The following MAN1A2 variants were observed in gnomAD, a reference collection of about 807,000 sequenced individuals.
The protein encoded by MAN1A2 is mannosidase alpha class 1A member 2.
Under a neutral mutation model 75.7 loss-of-function variants are expected in MAN1A2, and 26 were observed. The ratio of observed to expected loss-of-function variants is 0.34; its 90% CI spans 0.25 to 0.48. The LOEUF (loss-of-function observed/expected upper bound fraction) is 0.48. MAN1A2 is among the 20% of genes least tolerant of loss of function. MAN1A2 has a pLI of 0.99. For missense variants in MAN1A2, 562 were observed against 775.5 expected, an observed-to-expected ratio of 0.72 and a Z score of 3.27; for synonymous variants, 247 against 264.6, an observed-to-expected ratio of 0.93 and a Z score of 0.65.
At chr1:117,497,613 G>A (rs1651069964) in intron 10 of MAN1A2, among the ~76,000 whole-genome samples, 1 of 151,870 alleles carries the variant, frequency 6.6e-6, no homozygotes, top group South Asian at 2.1e-4. Flanking sequence ...CTCTTTTTAT[G>A]TATAAAGCAC....
At chr1:117,423,956 C>T (rs912100922) in intron 5 of MAN1A2, among the ~76,000 whole-genome samples, 6 of 150,196 alleles carry the variant, frequency 4.0e-5, no homozygotes, top group Non-Finnish European at 8.9e-5. Context: ...GATCACAGCT[C>T]ACTGCAACCT....
chr1:117,369,620 A>G (rs1652891615), intron 1 of MAN1A2, among the ~76,000 whole-genome samples: 1 of 151,988 alleles, frequency 6.6e-6, no homozygotes, highest in Non-Finnish European at 1.5e-5. Context: ...TGACTTTTGG[A>G]TGAATTTTAT....
At chr1:117,423,522 T>G (rs562753458) in intron 5 of MAN1A2, among the ~76,000 whole-genome samples, 48 of 152,318 alleles carry the variant, frequency 3.2e-4, no homozygotes, top group African/African-American at 1.1e-3. Flanking sequence ...ATTTATTTTT[T>G]TATTGGTGTT....
Position 117,367,990 on chromosome 1 carries a change from G to C in MAN1A2, c.-194G>C, listed in dbSNP as rs1652824903. 3 of 577,982 alleles carry C rather than the reference G, an allele frequency of 5.2e-6. No individual in the cohort carries two copies. The East Asian group carries it at 8.6e-5, about 16-fold the overall frequency. The allele number at this position is 577,982 out of a possible 1,614,324, so 35.8% of individuals were successfully genotyped here. A position where few individuals can be genotyped will look rare whatever the true frequency, so the allele number is the denominator to read the frequency against. ...AGGACCTAAACTTGTGATCGTTTGG[G>C]GGAGGTCACACACGTTTCTGAGTGG... On this transcript the variant is annotated 5_prime_UTR_variant, in exon 1 of 13. Transcript: ENST00000356554.
intron 4 of MAN1A2, among the ~76,000 whole-genome samples, chr1:117,415,323 C>A (rs1647953295): frequency 6.6e-6 from 1 of 152,076 alleles, no homozygotes; most frequent in South Asian, 2.1e-4. Context: ...TTCATTATCA[C>A]CAGTCTTCAC....
At chr1:117,501,979 G>A (rs1411501295) in intron 11 of MAN1A2, among the ~76,000 whole-genome samples, 4 of 151,810 alleles carry the variant, frequency 2.6e-5, no homozygotes, top group African/African-American at 7.2e-5. Context: ...TGCATAAGCA[G>A]ACTGTTTGGT....
rs374357024 is a variant in MAN1A2, at chr1:117,392,980, T to C, written c.303-9206T>C. 5.3e-5 allele frequency among the ~76,000 whole-genome samples: 8 copies of C among 152,360 alleles called. No individual in the cohort carries two copies. In the East Asian group the frequency reaches 1.5e-3, roughly 29 times the overall value. On this transcript the variant is annotated intron_variant, in intron 1 of 12. Transcript: ENST00000356554. ...CCAACCAATTCATATTGAGAAACAG[T>C]TGGGCTTCTTCATTAACGTGTTATT...
At chr1:117,375,159 C>T (rs1653096320) in intron 1 of MAN1A2, among the ~76,000 whole-genome samples, 1 of 152,122 alleles carries the variant, frequency 6.6e-6, no homozygotes, top group African/African-American at 2.4e-5. Flanking sequence ...TTACCTGAGA[C>T]TTTAGGATAG....
intron 1 of MAN1A2, among the ~76,000 whole-genome samples, chr1:117,392,939 A>G (rs185537288): frequency 1.1e-3 from 172 of 152,316 alleles, no homozygotes; most frequent in African/African-American, 3.9e-3. Context: ...AATCTTTTTT[A>G]GCCTCTTTCA....
intron 8 of MAN1A2, among the ~76,000 whole-genome samples, chr1:117,468,237 C>T (rs914843933): frequency 1.3e-5 from 2 of 152,010 alleles, no homozygotes; most frequent in Admixed American, 6.6e-5. Context: ...GGGAAAAGCC[C>T]CTTATAAAAC....
chr1:117,467,590 G>C (rs1650018901), intron 8 of MAN1A2, among the ~76,000 whole-genome samples: 1 of 151,564 alleles, frequency 6.6e-6, no homozygotes, highest in Admixed American at 6.6e-5. Context: ...TCTTTATTTT[G>C]AAGAAGATAA....
chr1:117,454,428 C>T (rs888915710), intron 6 of MAN1A2, among the ~76,000 whole-genome samples: 3 of 152,160 alleles, frequency 2.0e-5, no homozygotes, highest in Admixed American at 6.5e-5. Context: ...ATACTTCCTT[C>T]TTATCATAAG....
chr1:117,520,400 A>T (rs1651838361), intron 12 of MAN1A2, among the ~76,000 whole-genome samples: 2 of 152,004 alleles, frequency 1.3e-5, no homozygotes, highest in African/African-American at 2.4e-5. Context: ...TGATGATATG[A>T]TCATTTACCT....
intron 1 of MAN1A2, among the ~76,000 whole-genome samples, chr1:117,378,002 T>A (rs1333926246): frequency 1.3e-5 from 2 of 152,078 alleles, no homozygotes; most frequent in Non-Finnish European, 2.9e-5. Context: ...CTCGGGAGGC[T>A]GAGGTAGGAG....
intron 12 of MAN1A2, among the ~76,000 whole-genome samples, chr1:117,517,749 G>A (rs952674689): frequency 6.6e-6 from 1 of 151,836 alleles, no homozygotes; most frequent in Non-Finnish European, 1.5e-5. Flanking sequence ...AGAAATAATG[G>A]CAAAAAACTT....
chr1:117,443,722 A>C (rs1267057531), intron 6 of MAN1A2, among the ~76,000 whole-genome samples: 32 of 152,198 alleles, frequency 2.1e-4, no homozygotes, highest in Non-Finnish European at 1.5e-5. Flanking sequence ...CAAATACATA[A>C]TTTTACTTGA....
intron 1 of MAN1A2, among the ~76,000 whole-genome samples, chr1:117,369,231 G>T (rs1652873266): frequency 6.6e-6 from 1 of 152,168 alleles, no homozygotes; most frequent in Non-Finnish European, 1.5e-5. Context: ...TGATTAAGGG[G>T]TTCACATTCT....
intron 4 of MAN1A2, among the ~76,000 whole-genome samples, chr1:117,416,206 A>G (rs1258208411): frequency 6.6e-6 from 1 of 152,076 alleles, no homozygotes; most frequent in Non-Finnish European, 1.5e-5. Context: ...ATGCCACATT[A>G]GTCATATATT....
At chr1:117,484,546 A>C (rs1650600970) in intron 8 of MAN1A2, among the ~76,000 whole-genome samples, 2 of 152,006 alleles carry the variant, frequency 1.3e-5, no homozygotes, top group Non-Finnish European at 2.9e-5. Flanking sequence ...TATGCAATTT[A>C]CTGAAGACAC....
Sources: allele counts gnomAD v4.1 joint callset (sites outside exome capture counted in the v4.1 genomes callset), GRCh38; gene constraint gnomAD v4.1.1; transcripts MANE v1.5; gene names NCBI Gene and HGNC (gene_info 2026-07-23, HGNC 2026-07-21).